Variants in KDM5B observed in about 807,000 individuals in gnomAD.
KDM5B encodes lysine-specific demethylase 5B.
A neutral mutation model predicts 193.4 loss-of-function variants in KDM5B; 144 were observed. The observed-to-expected ratio is 0.74, with a 90% CI of 0.65 to 0.86. The LOEUF (loss-of-function observed/expected upper bound fraction) is 0.86, where lower values mean the gene tolerates loss of function less well. KDM5B is among the 40% of genes least tolerant of loss of function. KDM5B has a pLI of 0.00. For synonymous variants in KDM5B, 668 were observed against 682.6 expected (o/e 0.98, Z 0.33); for missense variants, 1,833 against 1,886.9 (o/e 0.97, Z 0.53).
intron 1 of KDM5B, among the ~76,000 whole-genome samples, chr1:202,804,253 G>C (rs1023794987): frequency 1.3e-5 from 1 of 75,662 alleles, no homozygotes; most frequent in Non-Finnish European, 3.8e-5. Context: ...TCAATAAAAG[G>C]GTTTTTTTTT....
chr1:202,730,057 C>T (rs763828293), intron 25 of KDM5B, 30 bp from the exon 26 acceptor site: 23 of 1,554,256 alleles, frequency 1.5e-5, no homozygotes, highest in East Asian at 1.1e-4. Flanking sequence ...GTTCAATTTT[C>T]GCCTATGGGT....
intron 1 of KDM5B, among the ~76,000 whole-genome samples, chr1:202,786,196 G>T (rs1400105504): frequency 1.9e-5 from 2 of 105,934 alleles, no homozygotes; most frequent in East Asian, 3.5e-4. Context: ...GGGGGTGGGG[G>T]GGGGGGTCTC....
At chr1:202,759,499 C>T (rs1252930474) in intron 8 of KDM5B, among the ~76,000 whole-genome samples, 1 of 150,918 alleles carries the variant, frequency 6.6e-6, no homozygotes, top group Non-Finnish European at 1.5e-5. Context: ...TGAGATCACG[C>T]CACTGCACTC....
chr1:202,740,842 A>G, intron 19 of KDM5B, 30 bp from the exon 20 acceptor site: 2 of 1,569,432 alleles, frequency 1.3e-6, no homozygotes, highest in Non-Finnish European at 1.7e-6. Context: ...ACTTCTTAGC[A>G]TTTTATATGA....
At position 202,808,231 on chromosome 1, in the gene KDM5B, C is replaced by T. The variant is rs754083922; in HGVS notation, c.75G>A (p.Glu25=). ...LPLGGPGPLG[E]FLPPPECPVF... The stretch of plus-strand genomic sequence containing the variant: ...CCGGGCACTCGGGTGGAGGCAGGAA[C>T]TCGCCCAGCGGGCCCGGGCCCCCGA... Residue 25 remains glutamate, a synonymous_variant, in exon 1 of 27, where the codon GAG becomes GAA. Coordinates refer to ENST00000367265, the MANE Select transcript of KDM5B (RefSeq NM_006618.5). The T allele has an allele frequency of 2.5e-6, 4 of 1,612,234 alleles. No homozygotes were observed. Among genetic ancestry groups the T allele is most frequent in the Non-Finnish European group, 3.4e-6 (4 of 1,179,508 alleles).
At chr1:202,745,138 C>T (rs1176987079) in intron 16 of KDM5B, among the ~76,000 whole-genome samples, 1 of 152,052 alleles carries the variant, frequency 6.6e-6, no homozygotes, top group Non-Finnish European at 1.5e-5. Flanking sequence ...AACACGTGAA[C>T]ACATACAGGG....
chr1:202,772,667 A>G (rs1223440081), intron 4 of KDM5B, among the ~76,000 whole-genome samples: 1 of 152,004 alleles, frequency 6.6e-6, no homozygotes, highest in Non-Finnish European at 1.5e-5. Flanking sequence ...GAACAAAAAC[A>G]CTAGAGGAAA....
At chr1:202,806,899 T>C (rs979919944) in intron 1 of KDM5B, 7 of 152,134 alleles carry the variant, frequency 4.6e-5, no homozygotes, top group African/African-American at 1.7e-4. Flanking sequence ...TCCCAGCCCG[T>C]CCAACCGCCG....
chr1:202,744,059 T>C (rs373680098), intron 16 of KDM5B, among the ~76,000 whole-genome samples: 16 of 151,972 alleles, frequency 1.1e-4, no homozygotes, highest in African/African-American at 3.9e-4. Flanking sequence ...ACCTACAGAA[T>C]GGGAGAAAAT....
intron 21 of KDM5B, 30 bp downstream of exon 21, chr1:202,736,183 G>GTCTTGCAGATGAGC (rs766939645): frequency 1.4e-6 from 2 of 1,480,034 alleles, no homozygotes; most frequent in Non-Finnish European, 1.8e-6. Flanking sequence ...GAGATCTAAG[G>GTCTTGCAGATGAGC]TCTTGCAGAT....
intron 22 of KDM5B, among the ~76,000 whole-genome samples, chr1:202,734,503 G>A (rs1655024465): frequency 6.6e-6 from 1 of 152,106 alleles, no homozygotes. Context: ...ATAATACGTA[G>A]GGAGAATTCT....
intron 1 of KDM5B, among the ~76,000 whole-genome samples, chr1:202,797,933 G>A (rs916354232): frequency 1.3e-5 from 2 of 152,234 alleles, no homozygotes; most frequent in Non-Finnish European, 2.9e-5. Flanking sequence ...GCTTGTGCCT[G>A]TAATCCCAGC....
In KDM5B at chr1:202,730,953, G is replaced by A. The variant is rs184475699; in HGVS notation, c.4132C>T (p.Gln1378Ter). 6.2e-7 allele frequency: 1 copy of A among 1,613,444 alleles called. No homozygotes were observed. The highest frequency in any genetic ancestry group is 1.7e-5 in the Admixed American group (1 of 59,962). The change falls in exon 25 of 27, where the codon CAG (glutamine) becomes TAG (stop). Residue 1378 changes from glutamine to a stop codon, truncating the protein, a stop_gained. Coordinates refer to ENST00000367265, the MANE Select transcript of KDM5B (RefSeq NM_006618.5). LOFTEE classifies it high-confidence loss of function. The part of the protein sequence containing the change: ...QTLLAKPSPA[Q>*]QTDRSSPVRP... ...ACTGGTGAGCTTCGGTCAGTCTGCT[G>A]AGCAGGGCTTGGCTTTGCAAGTAAA...
At chr1:202,742,945 C>T (rs990275520) in intron 16 of KDM5B, 140 bp from the exon 17 acceptor site, 4 of 731,830 alleles carry the variant, frequency 5.5e-6, no homozygotes, top group South Asian at 2.0e-5. Flanking sequence ...AAATTATTAA[C>T]AAATTTGTTG....
intron 1 of KDM5B, 53 bp downstream of exon 1, chr1:202,808,049 C>T (rs1658381449): frequency 3.2e-6 from 5 of 1,584,074 alleles, no homozygotes; most frequent in South Asian, 2.3e-5. Context: ...ACCCGCGCGT[C>T]CCCGCTCCCT....
intron 4 of KDM5B, 107 bp downstream of exon 4, chr1:202,772,996 CAAAATAAGGTCTTCT>C: frequency 1.4e-6 from 1 of 729,450 alleles, no homozygotes; most frequent in Non-Finnish European, 2.2e-6. Context: ...CGCGCCCCAC[CAAAATAAGGTCTTCT>C]AAAACAAGGT....
At chr1:202,749,974 T>C (rs1249254371) in intron 13 of KDM5B, among the ~76,000 whole-genome samples, 2 of 152,204 alleles carry the variant, frequency 1.3e-5, no homozygotes, top group African/African-American at 2.4e-5. Flanking sequence ...TGAAACCAAA[T>C]GTGTCCTTAA....
intron 13 of KDM5B, among the ~76,000 whole-genome samples, chr1:202,750,383 A>G (rs1558491173): frequency 6.6e-6 from 1 of 151,930 alleles, no homozygotes; most frequent in Non-Finnish European, 1.5e-5. Flanking sequence ...GGTTCAAGTG[A>G]TTCTCCTGCC....
At chr1:202,789,816 TGTTAAAACATTATCCAGACATATTGGCAC>T (rs1657571030) in intron 1 of KDM5B, among the ~76,000 whole-genome samples, 1 of 151,640 alleles carries the variant, frequency 6.6e-6, no homozygotes, top group African/African-American at 2.4e-5. Flanking sequence ...CTCTACAAAA[TGTTAAAACATTATCCAGACATATTGGCAC>T]GTGCCTGTAG....
Sources: gnomAD v4.1 joint callset for allele counts (sites outside exome capture counted in the v4.1 genomes callset) on GRCh38, gnomAD v4.1.1 for gene constraint, MANE v1.5 for transcripts, NCBI Gene and HGNC (gene_info 2026-07-23, HGNC 2026-07-21) for gene names.